The following ZFHX3 variants were observed in gnomAD, a reference collection of about 807,000 sequenced individuals.
ZFHX3 encodes zinc finger homeobox 3, also known as zinc finger homeobox protein 3.
Under a neutral mutation model 279.1 loss-of-function variants are expected in ZFHX3, and 42 were observed. That is an observed-to-expected ratio of 0.15 (90% CI 0.12 to 0.19). The LOEUF is 0.19. ZFHX3 is among the 10% of genes least tolerant of loss of function. The pLI is 1.00. For missense variants in ZFHX3, 4,981 were observed against 4,754.0 expected, an observed-to-expected ratio of 1.05 and a Z score of -1.40; for synonymous variants, 2,293 against 1,957.8, an observed-to-expected ratio of 1.17 and a Z score of -4.52.
At chr16:73,196,741 G>C (rs373109503) in intron 5 of ZFHX3, among the ~76,000 whole-genome samples, 1 of 152,138 alleles carries the variant, frequency 6.6e-6, no homozygotes, top group East Asian at 1.9e-4. Flanking sequence ...AGACCCATAC[G>C]TGTAGGTGGC....
At chr16:73,468,461 C>T (rs550712374) in intron 2 of ZFHX3, among the ~76,000 whole-genome samples, 10 of 152,244 alleles carry the variant, frequency 6.6e-5, no homozygotes, top group South Asian at 2.1e-4. Context: ...ATTAGCTAGG[C>T]GTGGTGGCTC....
At chr16:72,923,735 T>C (rs568775481) in intron 3 of ZFHX3, among the ~76,000 whole-genome samples, 19 of 74,720 alleles carry the variant, frequency 2.5e-4, no homozygotes, top group Admixed American at 1.8e-3. Context: ...TCCTTGGTAG[T>C]AGATGAAGTA....
At chr16:73,255,970 A>G (rs887506221) in intron 5 of ZFHX3, among the ~76,000 whole-genome samples, 4 of 152,134 alleles carry the variant, frequency 2.6e-5, no homozygotes, top group African/African-American at 9.7e-5. Context: ...TAGGACTCAC[A>G]TTCCCTTAGT....
chr16:73,557,475 G>T (rs1001595734), intron 2 of ZFHX3, among the ~76,000 whole-genome samples: 1 of 152,156 alleles, frequency 6.6e-6, no homozygotes, highest in Admixed American at 6.5e-5. Flanking sequence ...AGACAGAGCA[G>T]CCTGAGGGCT....
chr16:73,557,043 C>T (rs748945947), intron 2 of ZFHX3, among the ~76,000 whole-genome samples: 7 of 132,630 alleles, frequency 5.3e-5, no homozygotes, highest in Admixed American at 2.8e-4. Flanking sequence ...TGCAGTGAGC[C>T]GAGATCAGGC....
intron 2 of ZFHX3, among the ~76,000 whole-genome samples, chr16:73,574,391 T>C (rs825682): frequency 0.53 from 79,847 of 152,012 alleles, 23,257 homozygotes; most frequent in African/African-American, 0.79. Context: ...TCAACAAGAT[T>C]CTCAGATCAT....
chr16:73,460,760 T>C (rs890783895), intron 2 of ZFHX3, among the ~76,000 whole-genome samples: 2 of 152,196 alleles, frequency 1.3e-5, no homozygotes, highest in East Asian at 3.8e-4. Flanking sequence ...CACCATCCAC[T>C]TTGTGCTGTC....
At chr16:73,026,596 G>T (rs746489776) in intron 1 of ZFHX3, among the ~76,000 whole-genome samples, 1 of 149,898 alleles carries the variant, frequency 6.7e-6, no homozygotes, top group African/African-American at 2.5e-5. Flanking sequence ...ACTTGAACCT[G>T]GGAGGTGGAG....
chr16:73,430,213 C>T (rs112615800), intron 3 of ZFHX3, among the ~76,000 whole-genome samples: 1 of 152,142 alleles, frequency 6.6e-6, no homozygotes, highest in Non-Finnish European at 1.5e-5. Flanking sequence ...TCATTACAAC[C>T]TGCCATCCAC....
At chr16:72,837,667 T>C (rs1206512771) in intron 4 of ZFHX3, among the ~76,000 whole-genome samples, 1 of 151,912 alleles carries the variant, frequency 6.6e-6, no homozygotes, top group African/African-American at 2.4e-5. Context: ...GGTCTCACTA[T>C]GTTGCCCAGG....
chr16:73,738,732 C>A (rs1020489285), intron 1 of ZFHX3, among the ~76,000 whole-genome samples: 3 of 152,118 alleles, frequency 2.0e-5, no homozygotes, highest in Non-Finnish European at 4.4e-5. Context: ...GGTTCTGATG[C>A]TCTGGGGAAT....
intron 5 of ZFHX3, among the ~76,000 whole-genome samples, chr16:73,248,054 G>A (rs1303270470): frequency 6.6e-6 from 1 of 151,676 alleles, no homozygotes; most frequent in Non-Finnish European, 1.5e-5. Flanking sequence ...TATGTGGAGT[G>A]TATAAGTGTG....
intron 4 of ZFHX3, among the ~76,000 whole-genome samples, chr16:73,299,703 C>T (rs751017996): frequency 2.6e-5 from 4 of 152,134 alleles, no homozygotes; most frequent in Non-Finnish European, 5.9e-5. Flanking sequence ...GCTGACTGGC[C>T]CTGTTTATTT....
chr16:73,195,203 C>T (rs562285884), intron 5 of ZFHX3, among the ~76,000 whole-genome samples: 1 of 152,224 alleles, frequency 6.6e-6, no homozygotes, highest in Non-Finnish European at 1.5e-5. Context: ...AAATCACTTT[C>T]TCACCAAACC....
chr16:72,963,309 C>G (rs757136094), intron 1 of ZFHX3, among the ~76,000 whole-genome samples: 1 of 152,118 alleles, frequency 6.6e-6, no homozygotes, highest in East Asian at 1.9e-4. Flanking sequence ...TGGTGGCACC[C>G]GGAACTCCCT....
chr16:73,298,875 C>G (rs530661456), intron 4 of ZFHX3, among the ~76,000 whole-genome samples: 1 of 152,186 alleles, frequency 6.6e-6, no homozygotes, highest in Admixed American at 6.5e-5. Flanking sequence ...CTTTGCAGAG[C>G]TGTGGATACA....
In ZFHX3 at chr16:73,520,922, A is replaced by T. The variant is rs534917273; in HGVS notation, c.-1546-64664T>A. 1.2e-4 allele frequency among the ~76,000 whole-genome samples: 18 copies of T among 152,356 alleles called. No homozygotes were observed. The South Asian group carries it at 3.7e-3, about 32-fold the overall frequency. ...GTTGGCACAGCTAATAGTTCTGAAGAGAGTGAAGATATAAACTCTCAAGCA... is the reference window on the plus strand; with the variant it reads ...GTTGGCACAGCTAATAGTTCTGAAGTGAGTGAAGATATAAACTCTCAAGCA... On this transcript the variant is annotated intron_variant, in intron 2 of 17. Transcript: ENST00000641206.
At chr16:73,576,525 G>A (rs1055490900) in intron 2 of ZFHX3, among the ~76,000 whole-genome samples, 26 of 152,114 alleles carry the variant, frequency 1.7e-4, no homozygotes, top group African/African-American at 4.1e-4. Flanking sequence ...GAGGAAAAAC[G>A]AGAAATGATT....
intron 2 of ZFHX3, among the ~76,000 whole-genome samples, chr16:73,463,319 A>G (rs2018504994): frequency 6.6e-6 from 1 of 152,182 alleles, no homozygotes. Flanking sequence ...AAGTACAGAG[A>G]AGTTAAGTAA....
Sources: allele counts gnomAD v4.1 joint callset (sites outside exome capture counted in the v4.1 genomes callset), GRCh38; gene constraint gnomAD v4.1.1; transcripts MANE v1.5; gene names NCBI Gene and HGNC (gene_info 2026-07-23, HGNC 2026-07-21).